Variants in ADK observed in about 807,000 individuals in gnomAD.
ADK encodes the protein N6,N6-dimethyladenosine kinase.
In ADK, 24 loss-of-function variants were observed where a neutral mutation model predicts 44.7. That is an observed-to-expected ratio of 0.54 (90% CI 0.39 to 0.76). The LOEUF is 0.76. Ranked by LOEUF, ADK falls within the 30% of genes least tolerant of loss-of-function variation. The pLI is 0.00. For synonymous variants in ADK, 128 were observed against 142.6 expected (o/e 0.90, Z 0.73); for missense variants, 321 against 425.1 (o/e 0.76, Z 2.15).
intron 6 of ADK, chr10:74,423,764 T>C: frequency 2.5e-6 from 1 of 396,616 alleles, no homozygotes; most frequent in Non-Finnish European, 5.0e-6. Context: ...TCTTTTTTGG[T>C]GATTTCATAG....
At chr10:74,542,883 T>A (rs1849687078) in intron 7 of ADK, among the ~76,000 whole-genome samples, 1 of 146,108 alleles carries the variant, frequency 6.8e-6, no homozygotes, top group African/African-American at 2.5e-5. Flanking sequence ...AATTTTATTT[T>A]AGTTATTTAT....
chr10:74,200,695 T>C, intron 1 of ADK, 69 bp from the exon 2 acceptor site: 1 of 1,034,634 alleles, frequency 9.7e-7, no homozygotes. Context: ...GTTATTTTTA[T>C]TTTGTGTACC....
chr10:74,548,465 A>G (rs1397247695), intron 7 of ADK, among the ~76,000 whole-genome samples: 1 of 152,198 alleles, frequency 6.6e-6, no homozygotes, highest in African/African-American at 2.4e-5. Context: ...GCCCATTTAA[A>G]TTTGAATTTC....
At chr10:74,598,441 CTTTTTTTTTTT>C (rs915433699) in intron 8 of ADK, among the ~76,000 whole-genome samples, 1 of 111,772 alleles carries the variant, frequency 8.9e-6, no homozygotes, top group Non-Finnish European at 1.8e-5. Flanking sequence ...AATCTTATTC[CTTTTTTTTTTT>C]TTTTTTTTTT....
At chr10:74,334,026 A>T (rs918222706) in intron 4 of ADK, among the ~76,000 whole-genome samples, 1 of 152,218 alleles carries the variant, frequency 6.6e-6, no homozygotes, top group African/African-American at 2.4e-5. Flanking sequence ...TATAATTTAT[A>T]TACAAAAAAG....
At chr10:74,655,945 G>T (rs1589340034) in intron 9 of ADK, 6 of 698,730 alleles carry the variant, frequency 8.6e-6, no homozygotes. Flanking sequence ...AAGTCCGAAA[G>T]GGTGCAACTC....
At chr10:74,624,509 A>G (rs1407475127) in intron 9 of ADK, among the ~76,000 whole-genome samples, 1 of 152,086 alleles carries the variant, frequency 6.6e-6, no homozygotes, top group Non-Finnish European at 1.5e-5. Context: ...TTTTGCTTAT[A>G]CTTAATTATT....
Position 74,398,526 on chromosome 10 carries a change from G to C in ADK, c.502G>C (p.Asp168His), listed in dbSNP as rs1188736326. The change falls in exon 6 of 11, where the codon GAT (aspartate) becomes CAT (histidine). Residue 168 changes from aspartate (D) to histidine (H), a missense_variant. Asp to His is a moderately conservative substitution (Grantham distance 81, BLOSUM62 -1). Coordinates refer to ENST00000539909, the MANE Select transcript of ADK (RefSeq NM_006721.4). The part of the protein sequence containing the change: ...ANCYKKEKHL[D>H]LEKNWMLVEK... Reference sequence around the variant, plus strand: ...TTGTTATAAAAAGGAAAAACATCTTGATCTGGAGAAAAACTGGATGTTGGT... The same window carrying C: ...TTGTTATAAAAAGGAAAAACATCTTCATCTGGAGAAAAACTGGATGTTGGT... The C allele has an allele frequency of 2.5e-6, 4 of 1,611,654 alleles. No individual in the cohort carries two copies. The highest frequency in any genetic ancestry group is 3.4e-6 in the Non-Finnish European group (4 of 1,178,624).
chr10:74,166,627 C>G (rs560201746), intron 1 of ADK, among the ~76,000 whole-genome samples: 1 of 136,312 alleles, frequency 7.3e-6, no homozygotes, highest in African/African-American at 2.8e-5. Flanking sequence ...GTGGAAGTTG[C>G]AATAAGCCAA....
At chr10:74,517,945 T>C (rs1248778389) in intron 6 of ADK, among the ~76,000 whole-genome samples, 1 of 152,152 alleles carries the variant, frequency 6.6e-6, no homozygotes, top group Admixed American at 6.5e-5. Context: ...GATTTATACA[T>C]TATCTTAATC....
intron 10 of ADK, among the ~76,000 whole-genome samples, chr10:74,686,912 G>A (rs1413064232): frequency 2.6e-5 from 4 of 151,892 alleles, no homozygotes; most frequent in South Asian, 4.2e-4. Flanking sequence ...TCCTCACCTC[G>A]TGATCCACCC....
intron 6 of ADK, among the ~76,000 whole-genome samples, chr10:74,412,727 T>C (rs1188289009): frequency 6.6e-6 from 1 of 152,172 alleles, no homozygotes; most frequent in Non-Finnish European, 1.5e-5. Context: ...GGGAATCTTT[T>C]TTTCTGAGCA....
intron 10 of ADK, among the ~76,000 whole-genome samples, chr10:74,681,763 T>C (rs1043610018): frequency 6.6e-6 from 1 of 151,328 alleles, no homozygotes; most frequent in Non-Finnish European, 1.5e-5. Context: ...GGCAGGACAA[T>C]TGCTTGAACC....
rs188691403 is a variant in ADK, at chr10:74,702,421, A to T, written c.965-5900A>T. Among the ~76,000 whole-genome samples the T allele has an allele frequency of 2.6e-3, 391 of 151,696 alleles. 3 individuals carry two copies. Among genetic ancestry groups the T allele is most frequent in the Middle Eastern group, 6.8e-3 (2 of 294 alleles). On this transcript the variant is annotated intron_variant, in intron 10 of 10. Coordinates refer to ENST00000539909, the MANE Select transcript of ADK (RefSeq NM_006721.4). ...CTGGTCTTGAACTCCTGACCTTGTG[A>T]TCCGCCCCCCTCGGCCTCCCAAAGT...
chr10:74,498,349 G>A (rs1847767240), intron 6 of ADK, among the ~76,000 whole-genome samples: 1 of 152,238 alleles, frequency 6.6e-6, no homozygotes, highest in South Asian at 2.1e-4. Flanking sequence ...AACTTCTGTA[G>A]TAGAATGGGC....
intron 4 of ADK, among the ~76,000 whole-genome samples, chr10:74,384,104 A>G (rs536471594): frequency 1.3e-5 from 2 of 152,316 alleles, no homozygotes; most frequent in South Asian, 4.1e-4. Flanking sequence ...TTATATATAT[A>G]TCATCTCTTA....
At chr10:74,265,794 A>T (rs1031652283) in intron 3 of ADK, among the ~76,000 whole-genome samples, 16 of 152,288 alleles carry the variant, frequency 1.1e-4, no homozygotes, top group Non-Finnish European at 2.1e-4. Context: ...ATATTTTTTT[A>T]AAAAAGTATA....
intron 6 of ADK, among the ~76,000 whole-genome samples, chr10:74,464,392 A>G (rs537776058): frequency 1.4e-5 from 2 of 147,816 alleles, no homozygotes; most frequent in South Asian, 4.2e-4. Flanking sequence ...TATTAATTTA[A>G]AAAAAAAAAT....
At chr10:74,601,504 G>A (rs1160837859) in intron 9 of ADK, among the ~76,000 whole-genome samples, 1 of 151,908 alleles carries the variant, frequency 6.6e-6, no homozygotes, top group Non-Finnish European at 1.5e-5. Context: ...TCAGAGATTT[G>A]TTTCAAAAAA....
Sources: allele counts gnomAD v4.1 joint callset (sites outside exome capture counted in the v4.1 genomes callset), GRCh38; gene constraint gnomAD v4.1.1; transcripts MANE v1.5; gene names NCBI Gene and HGNC (gene_info 2026-07-23, HGNC 2026-07-21).